Variants in ITPR2 observed in about 807,000 individuals in gnomAD.
ITPR2 encodes inositol 1,4,5-trisphosphate receptor type 2.
A neutral mutation model predicts 317.1 loss-of-function variants in ITPR2; 207 were observed. The ratio of observed to expected loss-of-function variants is 0.65; its 90% CI spans 0.58 to 0.73. The LOEUF is 0.73. ITPR2 is among the 30% of genes least tolerant of loss of function. The pLI is 0.00. For missense variants in ITPR2, 2,613 were observed against 3,284.0 expected (o/e 0.80, Z 4.99); for synonymous variants, 1,156 against 1,149.1 (o/e 1.01, Z -0.12).
At chr12:26,350,425 T>C (rs1481714136) in intron 55 of ITPR2, among the ~76,000 whole-genome samples, 1 of 152,096 alleles carries the variant, frequency 6.6e-6, no homozygotes, top group Non-Finnish European at 1.5e-5. Context: ...GTACTAGCCC[T>C]CATCTGCAAA....
intron 55 of ITPR2, among the ~76,000 whole-genome samples, chr12:26,340,608 A>G (rs373515368): frequency 6.6e-6 from 1 of 152,148 alleles, no homozygotes; most frequent in East Asian, 1.9e-4. Flanking sequence ...TCAGTGAATG[A>G]TGGTGAATGA....
At chr12:26,473,110 C>G (rs1942333556) in intron 45 of ITPR2, among the ~76,000 whole-genome samples, 1 of 152,168 alleles carries the variant, frequency 6.6e-6, no homozygotes, top group African/African-American at 2.4e-5. Context: ...TGCTCTTGAA[C>G]TCCTGACTTC....
At chr12:26,705,957 C>T (rs55684982) in intron 9 of ITPR2, among the ~76,000 whole-genome samples, 10,284 of 152,246 alleles carry the variant, frequency 0.068, 500 homozygotes, top group African/African-American at 0.13. Flanking sequence ...TTAAAGACAA[C>T]TACCTTATTT....
intron 2 of ITPR2, among the ~76,000 whole-genome samples, chr12:26,782,372 T>C (rs1320983793): frequency 6.6e-6 from 1 of 151,446 alleles, no homozygotes; most frequent in East Asian, 1.9e-4. Context: ...AAAGAATTTG[T>C]ACCTGGCAAC....
chr12:26,517,730 C>T (rs1943562630), intron 37 of ITPR2, among the ~76,000 whole-genome samples: 2 of 152,016 alleles, frequency 1.3e-5, no homozygotes, highest in South Asian at 2.1e-4. Context: ...CCCAGCTACT[C>T]GGGAGGTTGA....
intron 45 of ITPR2, among the ~76,000 whole-genome samples, chr12:26,453,380 A>G (rs1054630676): frequency 2.0e-5 from 3 of 152,226 alleles, no homozygotes; most frequent in Non-Finnish European, 4.4e-5. Flanking sequence ...TAAAGTAATC[A>G]TTATTGTAGT....
Position 26,559,498 on chromosome 12 carries a change from A to C in ITPR2, c.4821+2264T>G, listed in dbSNP as rs547566407. 1.0e-3 allele frequency among the ~76,000 whole-genome samples: 158 copies of C among 152,152 alleles called. 1 individual carries two copies. Among genetic ancestry groups the C allele is most frequent in the Non-Finnish European group, 1.6e-3 (109 of 68,030 alleles). ...TGGTAGAAGGGCTGAATGAGCTTGC[A>C]CGGGCCTATTTTATAGGGACTCTAA... On this transcript the variant is annotated intron_variant, in intron 35 of 56. Transcript: ENST00000381340.
intron 2 of ITPR2, among the ~76,000 whole-genome samples, chr12:26,772,968 T>C (rs1949899486): frequency 6.6e-6 from 1 of 152,092 alleles, no homozygotes; most frequent in Non-Finnish European, 1.5e-5. Flanking sequence ...TGTGTTCTCA[T>C]TGTTCAACTC....
chr12:26,744,924 A>G lies in ITPR2; in HGVS notation c.164-19159T>C, dbSNP rs548090286. Among the ~76,000 whole-genome samples, 15 of 152,340 alleles carry G rather than the reference A, an allele frequency of 9.8e-5. No homozygotes were observed. The East Asian group carries it at 1.9e-3, about 20-fold the overall frequency. Reference sequence around the variant, plus strand: ...GAAAATGTGAGTATGGAGGACAACAATTTTGCAGGCAAACTGTTATGCACG... The same window carrying G: ...GAAAATGTGAGTATGGAGGACAACAGTTTTGCAGGCAAACTGTTATGCACG... On this transcript the variant is annotated intron_variant, in intron 2 of 56. Coordinates refer to ENST00000381340, the MANE Select transcript of ITPR2 (RefSeq NM_002223.4).
intron 5 of ITPR2, among the ~76,000 whole-genome samples, chr12:26,719,458 C>T (rs990263062): frequency 3.3e-5 from 5 of 152,174 alleles, no homozygotes; most frequent in Non-Finnish European, 5.9e-5. Flanking sequence ...ATGTAAGATT[C>T]AAGCTGAGAT....
At chr12:26,415,063 C>T (rs1940677040) in intron 51 of ITPR2, among the ~76,000 whole-genome samples, 1 of 152,076 alleles carries the variant, frequency 6.6e-6, no homozygotes, top group South Asian at 2.1e-4. Flanking sequence ...TTGAAACTTT[C>T]TTACCGAGAC....
chr12:26,608,989 G>C (rs2136767917), intron 26 of ITPR2, among the ~76,000 whole-genome samples: 1 of 152,226 alleles, frequency 6.6e-6, no homozygotes, highest in East Asian at 1.9e-4. Flanking sequence ...CAACATAATA[G>C]AACCCTTAGA....
intron 2 of ITPR2, among the ~76,000 whole-genome samples, chr12:26,768,574 A>AT (rs1949778927): frequency 2.0e-5 from 2 of 102,228 alleles, no homozygotes; most frequent in Admixed American, 9.3e-5. Context: ...ATATATATAA[A>AT]AAAAAAAAAA....
intron 2 of ITPR2, among the ~76,000 whole-genome samples, chr12:26,763,412 C>T (rs191898784): frequency 2.0e-5 from 3 of 151,790 alleles, no homozygotes; most frequent in South Asian, 2.1e-4. Flanking sequence ...TTTTTCCCAT[C>T]GAAGTTTATG....
At chr12:26,822,353 A>G (rs373720444) in intron 1 of ITPR2, among the ~76,000 whole-genome samples, 7 of 152,160 alleles carry the variant, frequency 4.6e-5, no homozygotes, top group African/African-American at 1.4e-4. Flanking sequence ...GAATCTATCT[A>G]TGGCTTTTTT....
chr12:26,597,208 T>C (rs1945869277), intron 30 of ITPR2, 74 bp from the exon 31 acceptor site: 1 of 1,496,246 alleles, frequency 6.7e-7, no homozygotes, highest in Non-Finnish European at 9.2e-7. Flanking sequence ...AGGCTTGATA[T>C]ATCTGGAAAC....
intron 1 of ITPR2, among the ~76,000 whole-genome samples, chr12:26,791,550 A>G (rs940869673): frequency 1.3e-5 from 2 of 152,148 alleles, no homozygotes; most frequent in East Asian, 1.9e-4. Flanking sequence ...GTGGAATCCA[A>G]TTTCCACAAA....
intron 55 of ITPR2, among the ~76,000 whole-genome samples, chr12:26,369,059 AAAG>A (rs1251704927): frequency 1.3e-5 from 2 of 152,232 alleles, no homozygotes; most frequent in Non-Finnish European, 2.9e-5. Context: ...CTGCAGGCTG[AAAG>A]AAGAACATTT....
At chr12:26,657,238 G>A (rs1040307872) in intron 18 of ITPR2, among the ~76,000 whole-genome samples, 1 of 152,078 alleles carries the variant, frequency 6.6e-6, no homozygotes, top group African/African-American at 2.4e-5. Flanking sequence ...GCCATATTCC[G>A]GGGCTGAACT....
Sources: allele counts gnomAD v4.1 joint callset (sites outside exome capture counted in the v4.1 genomes callset), GRCh38; gene constraint gnomAD v4.1.1; transcripts MANE v1.5; gene names NCBI Gene and HGNC (gene_info 2026-07-23, HGNC 2026-07-21).